The following MSI2 variants were observed in gnomAD, a reference collection of about 807,000 sequenced individuals.
The protein encoded by MSI2 is RNA-binding protein Musashi homolog 2.
Under a neutral mutation model 45.6 loss-of-function variants are expected in MSI2, and 17 were observed. That is an observed-to-expected ratio of 0.37 (90% confidence interval 0.26 to 0.56). The LOEUF (loss-of-function observed/expected upper bound fraction) is 0.56. Ranked by LOEUF, MSI2 falls within the 20% of genes least tolerant of loss-of-function variation. The pLI, the probability that MSI2 is intolerant of heterozygous loss-of-function variation, is 0.77. For missense variants in MSI2, 293 were observed against 444.2 expected, an observed-to-expected ratio of 0.66 and a Z score of 3.06; for synonymous variants, 156 against 158.2, an observed-to-expected ratio of 0.99 and a Z score of 0.11.
intron 4 of MSI2, among the ~76,000 whole-genome samples, chr17:57,261,921 A>G (rs1257675484): frequency 6.6e-6 from 1 of 152,216 alleles, no homozygotes; most frequent in African/African-American, 2.4e-5. Context: ...ACACACTGAA[A>G]TGCATGGTGG....
At chr17:57,309,989 G>T (rs964152992) in intron 5 of MSI2, among the ~76,000 whole-genome samples, 3 of 152,218 alleles carry the variant, frequency 2.0e-5, no homozygotes, top group African/African-American at 7.2e-5. Flanking sequence ...GGGCTGGGGA[G>T]TATGAAGGGT....
chr17:57,378,201 C>T (rs528734272), intron 5 of MSI2, among the ~76,000 whole-genome samples: 1 of 152,260 alleles, frequency 6.6e-6, no homozygotes, highest in Middle Eastern at 3.4e-3. Flanking sequence ...ACTGTAGCCT[C>T]AGCCTCCTGA....
Position 57,529,692 on chromosome 17 carries a change from T to C in MSI2, c.422T>C (p.Leu141Pro). Reference protein sequence around the residue: ...EQFGKVEDAMLMFDKTTNRHR... With the variant: ...EQFGKVEDAMPMFDKTTNRHR... ...GTTTTGCAGGTGGAAGATGCAATGC[T>C]GATGTTTGATAAAACTACCAACAGG... The change falls in exon 7 of 14, where the codon CTG (leucine) becomes CCG (proline). Residue 141 changes from leucine (L) to proline (P), a missense_variant. Physicochemically the swap from Leu to Pro is moderately conservative, Grantham distance 98 (BLOSUM62 -3). Coordinates refer to ENST00000284073, the MANE Select transcript of MSI2 (RefSeq NM_138962.4). The surrounding 1 kb of genome is among the most constrained non-coding windows in gnomAD (Gnocchi z 5.3). 6.2e-7 allele frequency: 1 copy of C among 1,613,194 alleles called. No individual in the cohort carries two copies. The highest frequency in any genetic ancestry group is 8.5e-7 in the Non-Finnish European group (1 of 1,179,798).
intron 6 of MSI2, among the ~76,000 whole-genome samples, chr17:57,438,723 G>A (rs982282961): frequency 1.3e-5 from 2 of 152,088 alleles, no homozygotes; most frequent in Non-Finnish European, 2.9e-5. Flanking sequence ...GGATTTAGTC[G>A]GAGGAGCAGA....
At chr17:57,479,497 A>T (rs2085607407) in intron 6 of MSI2, among the ~76,000 whole-genome samples, 1 of 152,142 alleles carries the variant, frequency 6.6e-6, no homozygotes, top group Non-Finnish European at 1.5e-5. Context: ...CATCCCAGAT[A>T]CTCCATTTTT....
In MSI2 at chr17:57,633,531, G is replaced by A. The variant is rs114423923; in HGVS notation, c.727+6228G>A. ...TAGGTGTGTGCGCCGTCTTACCCTC[G>A]CGCCCACGGGCCTGTGTGTGGTTGT... On this transcript the variant is annotated intron_variant, in intron 10 of 13. Coordinates refer to ENST00000284073, the MANE Select transcript of MSI2 (RefSeq NM_138962.4). Among the ~76,000 whole-genome samples the A allele has an allele frequency of 4.0e-3, 614 of 152,312 alleles. 5 individuals carry two copies. Among genetic ancestry groups the A allele is most frequent in the African/African-American group, 0.013 (557 of 41,566 alleles).
At chr17:57,355,582 C>G (rs531251990) in intron 5 of MSI2, among the ~76,000 whole-genome samples, 4 of 152,332 alleles carry the variant, frequency 2.6e-5, no homozygotes, top group South Asian at 4.1e-4. Flanking sequence ...ACACAGACTC[C>G]TGAATTATAA....
chr17:57,273,501 A>C, intron 5 of MSI2, among the ~76,000 whole-genome samples: 1 of 126,700 alleles, frequency 7.9e-6, no homozygotes, highest in African/African-American at 3.0e-5. Flanking sequence ...GATTCACACA[A>C]CTGCAGAACA....
intron 5 of MSI2, among the ~76,000 whole-genome samples, chr17:57,327,318 A>T (rs1024737738): frequency 6.6e-6 from 1 of 152,180 alleles, no homozygotes; most frequent in African/African-American, 2.4e-5. Context: ...AGGCCCAGAG[A>T]GGTAACGTGA....
At chr17:57,590,842 A>C (rs1000505027) in intron 7 of MSI2, among the ~76,000 whole-genome samples, 2 of 151,632 alleles carry the variant, frequency 1.3e-5, no homozygotes, top group African/African-American at 4.9e-5. Context: ...TGTTTCTCCC[A>C]CCTCCCCTAG....
chr17:57,652,213 G>T lies in MSI2; in HGVS notation c.790+52G>T, dbSNP rs780275803. 1.9e-6 allele frequency: 3 copies of T among 1,557,322 alleles called. No individual in the cohort carries two copies. Among genetic ancestry groups the T allele is most frequent in the Admixed American group, 1.7e-5 (1 of 59,916 alleles). Reference sequence around the variant, plus strand: ...TCCCAGGCATGCCCCCAGTGTGCAGGGGGAGGTCAAGGCCCTGTCGGATCT... The same window carrying T: ...TCCCAGGCATGCCCCCAGTGTGCAGTGGGAGGTCAAGGCCCTGTCGGATCT... On this transcript the variant is annotated intron_variant, in intron 11 of 13. Transcript: ENST00000284073. The surrounding 1 kb of genome is among the most constrained non-coding windows in gnomAD (Gnocchi z 4.1).
chr17:57,464,694 A>G (rs1598300264), intron 6 of MSI2, among the ~76,000 whole-genome samples: 1 of 152,198 alleles, frequency 6.6e-6, no homozygotes, highest in East Asian at 1.9e-4. Context: ...GCCCCTTGGG[A>G]CACTCTTTGG....
At chr17:57,603,094 G>A (rs1000604660) in intron 8 of MSI2, among the ~76,000 whole-genome samples, 1 of 152,170 alleles carries the variant, frequency 6.6e-6, no homozygotes, top group Non-Finnish European at 1.5e-5. Context: ...GGACCTCCAG[G>A]CCAGTCTGGT....
intron 5 of MSI2, among the ~76,000 whole-genome samples, chr17:57,312,164 GGAGAGTGCAATGTCAA>G (rs1912454175): frequency 6.6e-6 from 1 of 152,192 alleles, no homozygotes. Context: ...AGAGAGTTAT[GGAGAGTGCAATGTCAA>G]GAGAACTACA....
intron 6 of MSI2, among the ~76,000 whole-genome samples, chr17:57,455,230 G>C (rs1049821141): frequency 1.3e-5 from 2 of 152,130 alleles, no homozygotes; most frequent in Non-Finnish European, 2.9e-5. Flanking sequence ...TCTCTCTGTG[G>C]TAACTTTGCA....
downstream of MSI2, among the ~76,000 whole-genome samples, chr17:57,685,310 A>G (rs911146200): frequency 3.3e-5 from 5 of 152,206 alleles, no homozygotes; most frequent in African/African-American, 1.2e-4. Flanking sequence ...GATGACGGCT[A>G]CAGCATGCTC....
At chr17:57,282,851 G>T (rs575392852) in intron 5 of MSI2, among the ~76,000 whole-genome samples, 80 of 9,072 alleles carry the variant, frequency 8.8e-3, no homozygotes, top group Admixed American at 0.027. Flanking sequence ...TTTTTTTTCA[G>T]GGAACTCTGT....
chr17:57,502,198 T>C (rs1490680403), intron 6 of MSI2, among the ~76,000 whole-genome samples: 1 of 152,174 alleles, frequency 6.6e-6, no homozygotes, highest in Non-Finnish European at 1.5e-5. Flanking sequence ...TTAACATTTA[T>C]GGAATAGGCC....
chr17:57,675,780 C>G (rs1913187763), intron 12 of MSI2, among the ~76,000 whole-genome samples: 1 of 152,208 alleles, frequency 6.6e-6, no homozygotes, highest in African/African-American at 2.4e-5. Context: ...TTAGCTGCAG[C>G]CTCCACCCCT....
Sources: allele counts gnomAD v4.1 joint callset (sites outside exome capture counted in the v4.1 genomes callset), GRCh38; gene constraint gnomAD v4.1.1; non-coding constraint Gnocchi (gnomAD v3.1); transcripts MANE v1.5; gene names NCBI Gene and HGNC (gene_info 2026-07-23, HGNC 2026-07-21).